Variants in DLGAP2 observed in about 807,000 individuals in gnomAD.
DLGAP2 encodes disks large-associated protein 2.
Under a neutral mutation model 100.3 loss-of-function variants are expected in DLGAP2, and 26 were observed. That is an observed-to-expected ratio of 0.26 (90% CI 0.19 to 0.36). The LOEUF (loss-of-function observed/expected upper bound fraction) is 0.36, where lower values mean the gene tolerates loss of function less well. Among genes scored for constraint, DLGAP2 ranks in the 10% least tolerant of loss-of-function variants. The pLI, the probability that DLGAP2 is intolerant of heterozygous loss-of-function variation, is 1.00. For synonymous variants in DLGAP2, 886 were observed against 630.1 expected (o/e 1.41, Z -6.08); for missense variants, 1,858 against 1,453.2 (o/e 1.28, Z -4.53).
chr8:875,998 A>T (rs1375342618), intron 1 of DLGAP2, among the ~76,000 whole-genome samples: 1 of 152,192 alleles, frequency 6.6e-6, no homozygotes, highest in Non-Finnish European at 1.5e-5. Context: ...TGTTATAATT[A>T]TGACTTTACC....
chr8:1,390,663 C>T (rs530441393), intron 3 of DLGAP2, among the ~76,000 whole-genome samples: 99 of 152,248 alleles, frequency 6.5e-4, no homozygotes, highest in African/African-American at 2.1e-3. Context: ...TCCATTGAGC[C>T]GCCAAGCTCT....
chr8:1,043,619 G>C (rs1008494645), intron 2 of DLGAP2, among the ~76,000 whole-genome samples: 4 of 152,032 alleles, frequency 2.6e-5, no homozygotes, highest in African/African-American at 9.7e-5. Context: ...CTGCAGTGGG[G>C]AAGGGGGATG....
chr8:1,558,556 C>A (rs540013365), intron 5 of DLGAP2, among the ~76,000 whole-genome samples: 1 of 151,458 alleles, frequency 6.6e-6, no homozygotes, highest in South Asian at 2.1e-4. Flanking sequence ...CATATATGCA[C>A]ATTACACATA....
intron 8 of DLGAP2, among the ~76,000 whole-genome samples, chr8:1,636,263 C>T (rs1046242366): frequency 3.3e-5 from 5 of 152,102 alleles, no homozygotes; most frequent in South Asian, 2.1e-4. Flanking sequence ...TTCTCTGGGC[C>T]GGAAATTTTC....
chr8:1,540,189 T>A (rs1323058396), intron 4 of DLGAP2, among the ~76,000 whole-genome samples: 2 of 152,106 alleles, frequency 1.3e-5, no homozygotes, highest in East Asian at 1.9e-4. Context: ...GGTCAAGCCC[T>A]CCCCACCACA....
At chr8:1,357,940 C>T (rs1317229971) in intron 3 of DLGAP2, among the ~76,000 whole-genome samples, 1 of 152,168 alleles carries the variant, frequency 6.6e-6, no homozygotes, top group Non-Finnish European at 1.5e-5. Flanking sequence ...CTGGGTGTTT[C>T]TGGCTCCTTT....
intron 6 of DLGAP2, among the ~76,000 whole-genome samples, chr8:1,617,933 C>T (rs967187671): frequency 1.3e-5 from 2 of 152,138 alleles, no homozygotes; most frequent in Non-Finnish European, 2.9e-5. Context: ...CATAATAATA[C>T]GTGTACTAAA....
chr8:1,461,185 C>CG (rs1210945417), intron 3 of DLGAP2, among the ~76,000 whole-genome samples: 6 of 135,730 alleles, frequency 4.4e-5, no homozygotes, highest in Non-Finnish European at 3.1e-5. Context: ...GCTGCTGTCA[C>CG]AGGACTGGGT....
intron 3 of DLGAP2, among the ~76,000 whole-genome samples, chr8:1,303,225 G>A (rs1369382419): frequency 2.0e-5 from 3 of 152,170 alleles, no homozygotes; most frequent in African/African-American, 4.8e-5. Flanking sequence ...GTGAAACCCC[G>A]TCTCTACTAA....
At position 1,522,588 on chromosome 8, in the gene DLGAP2, G is replaced by C. The variant is rs554933432; in HGVS notation, c.172+21157G>C. Among the ~76,000 whole-genome samples the C allele has an allele frequency of 2.6e-3, 401 of 152,324 alleles. 4 individuals carry two copies. The highest frequency in any genetic ancestry group is 3.2e-3 in the Non-Finnish European group (220 of 68,038). ...GGTTTTCTCCTCAGTGAAGCAGGAC[G>C]CACAGGTTTCCTCATGTGGCCATTG... is the stretch of plus-strand genomic sequence containing the variant. On this transcript the variant is annotated intron_variant, in intron 4 of 14. Coordinates refer to ENST00000637795, the MANE Select transcript of DLGAP2 (RefSeq NM_001346810.2).
intron 6 of DLGAP2, among the ~76,000 whole-genome samples, chr8:1,568,077 C>G (rs1310148354): frequency 5.3e-5 from 8 of 150,482 alleles, no homozygotes. Context: ...GCCCACTCAG[C>G]AGACACAAAT....
At chr8:1,429,822 T>TA (rs1043638548) in intron 3 of DLGAP2, among the ~76,000 whole-genome samples, 56 of 149,828 alleles carry the variant, frequency 3.7e-4, no homozygotes, top group African/African-American at 1.3e-3. Flanking sequence ...TTTCTGTCCT[T>TA]AAAAAAAATA....
intron 1 of DLGAP2, among the ~76,000 whole-genome samples, chr8:889,628 C>G (rs978892237): frequency 2.6e-5 from 4 of 152,354 alleles, no homozygotes; most frequent in South Asian, 2.1e-4. Context: ...AGCCATTCAG[C>G]TTCCCTGGCT....
At chr8:1,084,582 G>A (rs1803913748) in intron 2 of DLGAP2, among the ~76,000 whole-genome samples, 1 of 152,164 alleles carries the variant, frequency 6.6e-6, no homozygotes, top group Non-Finnish European at 1.5e-5. Flanking sequence ...CTGCTTCTGT[G>A]CTTTCAGTAG....
chr8:958,246 T>C (rs1799640085), intron 2 of DLGAP2, among the ~76,000 whole-genome samples: 2 of 152,186 alleles, frequency 1.3e-5, no homozygotes, highest in South Asian at 4.2e-4. Flanking sequence ...CAGTAATCCA[T>C]TGTGTGGACA....
intron 2 of DLGAP2, among the ~76,000 whole-genome samples, chr8:1,096,074 G>C (rs190825305): frequency 1.1e-4 from 16 of 152,344 alleles, no homozygotes; most frequent in African/African-American, 3.4e-4. Flanking sequence ...TTTGTTCAGA[G>C]ATGACGTTGC....
chr8:1,299,564 C>T (rs1049999897), intron 3 of DLGAP2, among the ~76,000 whole-genome samples: 18 of 152,222 alleles, frequency 1.2e-4, no homozygotes, highest in African/African-American at 4.1e-4. Context: ...AATTCACTCG[C>T]ACCTTTGGCT....
At chr8:1,126,892 C>T (rs142388924) in intron 2 of DLGAP2, among the ~76,000 whole-genome samples, 3 of 151,960 alleles carry the variant, frequency 2.0e-5, no homozygotes, top group African/African-American at 4.8e-5. Flanking sequence ...GACTGCCCTC[C>T]AGCCAGCTCC....
intron 2 of DLGAP2, among the ~76,000 whole-genome samples, chr8:1,220,232 G>T (rs1798290276): frequency 6.6e-6 from 1 of 152,184 alleles, no homozygotes; most frequent in East Asian, 1.9e-4. Flanking sequence ...CTAACTTCTT[G>T]ATGTAATCAT....
Sources: gnomAD v4.1 joint callset for allele counts (sites outside exome capture counted in the v4.1 genomes callset) on GRCh38, gnomAD v4.1.1 for gene constraint, MANE v1.5 for transcripts, NCBI Gene and HGNC (gene_info 2026-07-23, HGNC 2026-07-21) for gene names.